The following KCNQ1 variants were observed in gnomAD, a reference collection of about 807,000 sequenced individuals.
KCNQ1 encodes potassium voltage-gated channel subfamily KQT member 1.
Under a neutral mutation model 72.4 loss-of-function variants are expected in KCNQ1, and 49 were observed. The ratio of observed to expected loss-of-function variants is 0.68; its 90% CI spans 0.54 to 0.86. KCNQ1 has a LOEUF of 0.86. KCNQ1 is among the 40% of genes least tolerant of loss of function. The probability of loss-of-function intolerance (pLI) is 0.00; values close to 1 mark genes in which losing one functional copy is unlikely to be tolerated. For missense variants in KCNQ1, 790 were observed against 945.1 expected (o/e 0.84, Z 2.15); for synonymous variants, 450 against 412.6 (o/e 1.09, Z -1.10).
At chr11:2,666,182 C>A in intron 11 of KCNQ1, 1 of 398,622 alleles carries the variant, frequency 2.5e-6, no homozygotes, top group Non-Finnish European at 4.4e-6. Context: ...TTAACAGATA[C>A]CGCCCTCAGT....
At position 2,652,859 on chromosome 11, in the gene KCNQ1, C is replaced by T. The variant is rs1193931978; in HGVS notation, c.1394-9102C>T. The T allele has an allele frequency of 5.0e-6, 2 of 398,614 alleles. No individual in the cohort carries two copies. Among genetic ancestry groups the T allele is most frequent in the South Asian group, 1.3e-4 (1 of 7,866 alleles). The allele number at this position is 398,614 out of a possible 1,614,324, so 24.7% of individuals were successfully genotyped here. Reference sequence around the variant, plus strand: ...TTTGTGTATGCTGAGGCTTGCTATACTTATTCTAAGGAGAAGTGTTTGGGG... The same window carrying T: ...TTTGTGTATGCTGAGGCTTGCTATATTTATTCTAAGGAGAAGTGTTTGGGG... On this transcript the variant is annotated intron_variant, in intron 10 of 15. Transcript: ENST00000155840. This position sits in a 1 kb window ranked among gnomAD's most constrained non-coding sequence, Gnocchi z 5.9.
rs2133917226 is a variant in KCNQ1 at position 2,710,369 on chromosome 11, T to A, written c.1514+48288T>A. ...GAGTTCTTTATAGTCTAGATATAAG[T>A]TTTTTATATTCTAGATTCAAGTTCC... On this transcript the variant is annotated intron_variant, in intron 11 of 15. Transcript: ENST00000155840. This position sits in a 1 kb window ranked among gnomAD's most constrained non-coding sequence, Gnocchi z 4.1. Among the ~76,000 whole-genome samples, 1 of 152,320 alleles carries A rather than the reference T, an allele frequency of 6.6e-6. No individual in the cohort carries two copies. The highest frequency in any genetic ancestry group is 1.5e-5 in the Non-Finnish European group (1 of 68,036).
intron 11 of KCNQ1, among the ~76,000 whole-genome samples, chr11:2,741,053 G>A (rs1489884513): frequency 6.6e-6 from 1 of 152,212 alleles, no homozygotes; most frequent in African/African-American, 2.4e-5. Flanking sequence ...CTTTGGGGGC[G>A]CCCTGGGGTG....
intron 15 of KCNQ1, among the ~76,000 whole-genome samples, chr11:2,779,616 A>T (rs529396890): frequency 1.4e-4 from 21 of 152,108 alleles, no homozygotes; most frequent in Admixed American, 1.2e-3. Context: ...ACTGTCCCAG[A>T]CCTTTCTTAC....
At chr11:2,688,121 G>A in intron 11 of KCNQ1, 1 of 398,916 alleles carries the variant, frequency 2.5e-6, no homozygotes. Context: ...TGGGGGTGGG[G>A]ATACAGGCTG....
chr11:2,843,265 A>G (rs1848250994), intron 15 of KCNQ1, among the ~76,000 whole-genome samples: 1 of 152,194 alleles, frequency 6.6e-6, no homozygotes, highest in African/African-American at 2.4e-5. Flanking sequence ...GCTGTGACCT[A>G]TTGCCACTTG....
At chr11:2,761,004 G>A (rs900098503) in intron 11 of KCNQ1, among the ~76,000 whole-genome samples, 3 of 152,224 alleles carry the variant, frequency 2.0e-5, no homozygotes, top group Admixed American at 2.0e-4. Flanking sequence ...TAGACCCCCT[G>A]CCTTACGGCA....
chr11:2,629,513 G>C, intron 10 of KCNQ1: 1 of 398,376 alleles, frequency 2.5e-6, no homozygotes, highest in East Asian at 3.6e-5. Flanking sequence ...TGTATATGGA[G>C]TTAGGTAAAG....
chr11:2,584,321 G>A (rs1254557021), intron 7 of KCNQ1, among the ~76,000 whole-genome samples: 1 of 152,158 alleles, frequency 6.6e-6, no homozygotes, highest in African/African-American at 2.4e-5. Context: ...GTATGTGCTT[G>A]TGTTAGTGTT....
chr11:2,633,579 C>T (rs1849399711), intron 10 of KCNQ1: 1 of 398,532 alleles, frequency 2.5e-6, no homozygotes, highest in Non-Finnish European at 4.4e-6. Context: ...CATTCTTCTG[C>T]ATATGATATC....
Position 2,613,883 on chromosome 11 carries a change from T to C in KCNQ1, c.1393+25029T>C. The C allele has an allele frequency of 2.5e-6, 1 of 398,590 alleles. No individual in the cohort carries two copies. Among genetic ancestry groups the C allele is most frequent in the Admixed American group, 4.4e-5 (1 of 22,732 alleles). 24.7% of individuals were successfully genotyped at this position (398,590 alleles called of 1,614,324 possible). A position where few individuals can be genotyped will look rare whatever the true frequency, so the allele number is the denominator to read the frequency against. ...GTGTTTGCTCTTTATAAGACATGATTATTTTCTCATTTCCCAAAAAAGTAC... is the reference window on the plus strand; with the variant it reads ...GTGTTTGCTCTTTATAAGACATGATCATTTTCTCATTTCCCAAAAAAGTAC... On this transcript the variant is annotated intron_variant, in intron 10 of 15. Coordinates refer to ENST00000155840, the MANE Select transcript of KCNQ1 (RefSeq NM_000218.3). The surrounding 1 kb of genome is among the most constrained non-coding windows in gnomAD (Gnocchi z 4.8).
At chr11:2,641,389 T>A (rs1849574613) in intron 10 of KCNQ1, 1 of 397,942 alleles carries the variant, frequency 2.5e-6, no homozygotes, top group Non-Finnish European at 4.4e-6. Flanking sequence ...ATTACTGATG[T>A]TGGGCTTTTT....
chr11:2,565,240 C>A lies in KCNQ1; in HGVS notation c.478-5388C>A, dbSNP rs1414073932. Among the ~76,000 whole-genome samples the A allele has an allele frequency of 6.6e-6, 1 of 152,208 alleles. No homozygotes were observed. Among genetic ancestry groups the A allele is most frequent in the Non-Finnish European group, 1.5e-5 (1 of 68,032 alleles). Reference sequence around the variant, plus strand: ...AGGAGCTGTGGCATTCTACATCCCCCAGCAGCACACAAGGTCCCAACTTCT... The same window carrying A: ...AGGAGCTGTGGCATTCTACATCCCCAAGCAGCACACAAGGTCCCAACTTCT... On this transcript the variant is annotated intron_variant, in intron 2 of 15. Coordinates refer to ENST00000155840, the MANE Select transcript of KCNQ1 (RefSeq NM_000218.3). This position sits in a 1 kb window ranked among gnomAD's most constrained non-coding sequence, Gnocchi z 5.6.
rs192254843 is a variant in KCNQ1 at position 2,571,307 on chromosome 11, C to G, written c.605-18C>G. The G allele has an allele frequency of 1.9e-5, 31 of 1,608,848 alleles. No homozygotes were observed. The highest frequency in any genetic ancestry group is 4.0e-5 in the African/African-American group (3 of 74,816). On this transcript the variant is annotated intron_variant, in intron 3 of 15. Transcript: ENST00000155840. ...CTGTGGCGATCACGAAAAGCTCCCC[C>G]TCTCCTGCACTCCACAGACCTCATC...
Position 2,536,945 on chromosome 11 carries a change from C to T in KCNQ1, c.477+8927C>T, listed in dbSNP as rs1373968319. Among the ~76,000 whole-genome samples the T allele has an allele frequency of 2.0e-5, 3 of 152,000 alleles. No individual in the cohort carries two copies. The highest frequency in any genetic ancestry group is 7.3e-5 in the African/African-American group (3 of 41,286). On this transcript the variant is annotated intron_variant, in intron 2 of 15. Coordinates refer to ENST00000155840, the MANE Select transcript of KCNQ1 (RefSeq NM_000218.3). The surrounding 1 kb of genome is among the most constrained non-coding windows in gnomAD (Gnocchi z 7.4). ...AATCCCCCCCAGTCCCTCCCTTTAC[C>T]TCACAGGGCATCCTCCCTGCGTGTG...
rs867506149 is a variant in KCNQ1, at chr11:2,543,345, C to G, written c.477+15327C>G. ...CTGGAGTGCAGTGGCGTAAACGTAG[C>G]TCACTGCAACCTCGAATTCCTGGGC... On this transcript the variant is annotated intron_variant, in intron 2 of 15. Coordinates refer to ENST00000155840, the MANE Select transcript of KCNQ1 (RefSeq NM_000218.3). This position sits in a 1 kb window ranked among gnomAD's most constrained non-coding sequence, Gnocchi z 5.6. Among the ~76,000 whole-genome samples, 1 of 152,080 alleles carries G rather than the reference C, an allele frequency of 6.6e-6. No homozygotes were observed. The highest frequency in any genetic ancestry group is 2.1e-4 in the South Asian group (1 of 4,824).
rs542925298 is a variant in KCNQ1 at position 2,617,418 on chromosome 11, C to T, written c.1393+28564C>T. On this transcript the variant is annotated intron_variant, in intron 10 of 15. Transcript: ENST00000155840. This position sits in a 1 kb window ranked among gnomAD's most constrained non-coding sequence, Gnocchi z 4.6. ...AGTGGCAGGATCTCCTTTTTTAATGCGGAATAATATTCCATTGTAGACATA... is the reference window on the plus strand; with the variant it reads ...AGTGGCAGGATCTCCTTTTTTAATGTGGAATAATATTCCATTGTAGACATA... 1.0e-4 allele frequency: 41 copies of T among 398,332 alleles called. No homozygotes were observed. Among genetic ancestry groups the T allele is most frequent in the East Asian group, 9.3e-4 (26 of 28,052 alleles). The allele number at this position is 398,332 out of a possible 1,614,324, so 24.7% of individuals were successfully genotyped here.
Position 2,492,811 on chromosome 11 carries a change from CAT to C in KCNQ1, c.387-35114_387-35113del, listed in dbSNP as rs1326066506. Among the ~76,000 whole-genome samples, 1 of 152,198 alleles carries C rather than the reference CAT, an allele frequency of 6.6e-6. No individual in the cohort carries two copies. The highest frequency in any genetic ancestry group is 2.4e-5 in the African/African-American group (1 of 41,438). ...CTATTGTAAATAGTGGTGCAGTAAA[CAT>C]ATGTGTGCATGTGTCTTTATAGTAG... On this transcript the variant is annotated intron_variant, in intron 1 of 15. Coordinates refer to ENST00000155840, the MANE Select transcript of KCNQ1 (RefSeq NM_000218.3). The surrounding 1 kb of genome is among the most constrained non-coding windows in gnomAD (Gnocchi z 4.1).
chr11:2,445,639 T>A (rs1846026768), intron 1 of KCNQ1, among the ~76,000 whole-genome samples, 155 bp downstream of exon 1: 1 of 152,058 alleles, frequency 6.6e-6, no homozygotes, highest in African/African-American at 2.4e-5. Flanking sequence ...AACTCTGCAC[T>A]CTCCCTTGAA....
Sources: gnomAD v4.1 joint callset for allele counts (sites outside exome capture counted in the v4.1 genomes callset) on GRCh38, gnomAD v4.1.1 for gene constraint, Gnocchi (gnomAD v3.1) non-coding constraint, MANE v1.5 for transcripts, NCBI Gene and HGNC (gene_info 2026-07-23, HGNC 2026-07-21) for gene names.